The following TRIQK variants were observed in gnomAD, a reference collection of about 807,000 sequenced individuals.
The protein encoded by TRIQK is triple QxxK/R motif-containing protein.
In TRIQK, 10 loss-of-function variants were observed where a neutral mutation model predicts 10.8. The observed-to-expected ratio is 0.92, with a 90% CI of 0.57 to 1.57. The LOEUF (loss-of-function observed/expected upper bound fraction) is 1.57, where lower values mean the gene tolerates loss of function less well. Among genes scored for constraint, TRIQK ranks in the 40% most tolerant of loss-of-function variants. The pLI is 0.00. For synonymous variants in TRIQK, 33 were observed against 33.7 expected (o/e 0.98, Z 0.07); for missense variants, 107 against 97.7 (o/e 1.09, Z -0.40).
intron 1 of TRIQK, among the ~76,000 whole-genome samples, chr8:93,010,716 A>T (rs756246201): frequency 5.9e-5 from 9 of 152,172 alleles, no homozygotes; most frequent in Non-Finnish European, 1.2e-4. Context: ...ATATAGATTA[A>T]TACTATAAAA....
chr8:92,997,044 C>G (rs911012716), intron 1 of TRIQK, among the ~76,000 whole-genome samples: 12 of 152,050 alleles, frequency 7.9e-5, no homozygotes, highest in Admixed American at 3.9e-4. Context: ...GACCAATACT[C>G]AATCATACAT....
rs545320457 is a variant in TRIQK at position 92,951,962 on chromosome 8, T to A, written c.-22+2444A>T. Among the ~76,000 whole-genome samples, 66 of 151,936 alleles carry A rather than the reference T, an allele frequency of 4.3e-4. 2 individuals carry two copies. In the South Asian group the frequency reaches 0.013, roughly 31 times the overall value. ...AAGACCTAATAATAGGACTACAGAG[T>A]GTACCACATAGCTCCATACTTTACC... On this transcript the variant is annotated intron_variant, in intron 2 of 4. Coordinates refer to ENST00000521988, the MANE Select transcript of TRIQK (RefSeq NM_001171797.2).
chr8:92,936,158 T>G (rs1810977954), intron 2 of TRIQK, among the ~76,000 whole-genome samples: 2 of 151,576 alleles, frequency 1.3e-5, no homozygotes, highest in Admixed American at 1.3e-4. Context: ...CAAGGCAAGA[T>G]CATTATGAGA....
chr8:92,943,423 T>C lies in TRIQK; in HGVS notation c.-22+10983A>G, dbSNP rs112577866. On this transcript the variant is annotated intron_variant, in intron 2 of 4. Transcript: ENST00000521988. Reference sequence around the variant, plus strand: ...GGCATCACATTACCTGACTTTCAAATATACTATGAAGCTACAATAACCAAA... The same window carrying C: ...GGCATCACATTACCTGACTTTCAAACATACTATGAAGCTACAATAACCAAA... Among the ~76,000 whole-genome samples the C allele has an allele frequency of 4.3e-3, 652 of 152,244 alleles. 4 individuals carry two copies. Among genetic ancestry groups the C allele is most frequent in the Non-Finnish European group, 6.9e-3 (468 of 68,022 alleles).
At chr8:92,899,261 AG>A (rs1808793678) in intron 3 of TRIQK, among the ~76,000 whole-genome samples, 1 of 152,030 alleles carries the variant, frequency 6.6e-6, no homozygotes, top group East Asian at 1.9e-4. Flanking sequence ...CTGGGATTAC[AG>A]GCATGAGCCA....
At position 92,885,982 on chromosome 8, in the gene TRIQK, A is replaced by C. The variant is rs1015117016; in HGVS notation, c.*640T>G. 2 of 151,708 alleles carry C rather than the reference A, an allele frequency of 1.3e-5. No homozygotes were observed. Among genetic ancestry groups the C allele is most frequent in the African/African-American group, 4.8e-5 (2 of 41,392 alleles). 9.4% of individuals were successfully genotyped at this position (151,708 alleles called of 1,614,324 possible). ...TGAGCTTCTATTTACACCAGTTCAGACAGCCCAAGAGGAAAAGAACTCTAT... is the reference window on the plus strand; with the variant it reads ...TGAGCTTCTATTTACACCAGTTCAGCCAGCCCAAGAGGAAAAGAACTCTAT... On this transcript the variant is annotated 3_prime_UTR_variant, in exon 5 of 5. Transcript: ENST00000521988.
chr8:92,961,331 T>A (rs960604192), intron 1 of TRIQK, among the ~76,000 whole-genome samples: 1 of 151,990 alleles, frequency 6.6e-6, no homozygotes, highest in Non-Finnish European at 1.5e-5. Context: ...CAAAGCAGAA[T>A]CGGAAACTGG....
intron 3 of TRIQK, among the ~76,000 whole-genome samples, chr8:92,905,063 G>A (rs895879933): frequency 1.3e-5 from 2 of 152,060 alleles, no homozygotes; most frequent in African/African-American, 4.8e-5. Flanking sequence ...CTTCTACTAG[G>A]TATATGTTGC....
chr8:92,938,363 C>T (rs1811099721), intron 2 of TRIQK, among the ~76,000 whole-genome samples: 2 of 152,126 alleles, frequency 1.3e-5, no homozygotes, highest in South Asian at 4.1e-4. Flanking sequence ...ACACATCCAT[C>T]ACCAACCATT....
intron 1 of TRIQK, chr8:92,965,199 G>A (rs1167056663): frequency 1.3e-5 from 2 of 152,036 alleles, no homozygotes; most frequent in Non-Finnish European, 2.9e-5. Flanking sequence ...TTATACATTG[G>A]GGCTCCTCTA....
chr8:92,885,600 T>A lies in TRIQK; in HGVS notation c.*1022A>T, dbSNP rs529036186. 1 of 151,790 alleles carries A rather than the reference T, an allele frequency of 6.6e-6. No individual in the cohort carries two copies. Among genetic ancestry groups the A allele is most frequent in the Non-Finnish European group, 1.5e-5 (1 of 67,860 alleles). 9.4% of individuals were successfully genotyped at this position (151,790 alleles called of 1,614,324 possible). ...TATGCTCCCACAAATACAAAATACATTGAAAAATTATATCAACAGATAATT... is the reference window on the plus strand; with the variant it reads ...TATGCTCCCACAAATACAAAATACAATGAAAAATTATATCAACAGATAATT... On this transcript the variant is annotated 3_prime_UTR_variant, in exon 5 of 5. Transcript: ENST00000521988.
intron 3 of TRIQK, among the ~76,000 whole-genome samples, chr8:92,910,947 TA>T (rs1215466418): frequency 6.6e-6 from 1 of 151,332 alleles, no homozygotes; most frequent in African/African-American, 2.4e-5. Context: ...AGTTGAAAAC[TA>T]TAATTAATAT....
At chr8:93,014,290 T>C (rs780329662) in intron 1 of TRIQK, among the ~76,000 whole-genome samples, 1 of 152,084 alleles carries the variant, frequency 6.6e-6, no homozygotes, top group Non-Finnish European at 1.5e-5. Flanking sequence ...TAATATTCCT[T>C]TCAATAAATA....
intron 2 of TRIQK, among the ~76,000 whole-genome samples, chr8:92,943,585 CT>C (rs1185160249): frequency 6.6e-6 from 1 of 152,168 alleles, no homozygotes; most frequent in African/African-American, 2.4e-5. Flanking sequence ...AGAACAGTCT[CT>C]TCAATAAATG....
rs796311201 is a variant in TRIQK at position 92,911,707 on chromosome 8, ATTAAC to A, written c.61+5217_61+5221del. On this transcript the variant is annotated intron_variant, in intron 3 of 4. Coordinates refer to ENST00000521988, the MANE Select transcript of TRIQK (RefSeq NM_001171797.2). ...AAGGTCATTACATAATGATAAATGA[ATTAAC>A]TTAACAGGAAGATATAATGATTATA... 4.2e-4 allele frequency among the ~76,000 whole-genome samples: 63 copies of A among 151,310 alleles called. 2 individuals carry two copies. The East Asian group carries it at 0.011, about 26-fold the overall frequency.
chr8:92,949,580 AAG>A (rs1161178735), intron 2 of TRIQK, among the ~76,000 whole-genome samples: 2 of 149,412 alleles, frequency 1.3e-5, no homozygotes, highest in African/African-American at 2.5e-5. Context: ...GAAAGAAAGA[AAG>A]AGATGGAAAG....
At chr8:92,956,032 C>T (rs930053358) in intron 1 of TRIQK, among the ~76,000 whole-genome samples, 10 of 151,862 alleles carry the variant, frequency 6.6e-5, no homozygotes, top group South Asian at 2.1e-4. Context: ...GGAGTTACCA[C>T]GTGACCAGCA....
intron 1 of TRIQK, among the ~76,000 whole-genome samples, chr8:92,958,826 A>G (rs1466488769): frequency 6.6e-6 from 1 of 152,028 alleles, no homozygotes; most frequent in Non-Finnish European, 1.5e-5. Flanking sequence ...AAATCAAATT[A>G]TAACAATGTG....
chr8:92,904,524 C>T (rs1408214056), intron 3 of TRIQK, among the ~76,000 whole-genome samples: 1 of 152,044 alleles, frequency 6.6e-6, no homozygotes, highest in African/African-American at 2.4e-5. Context: ...AATTTTCTTA[C>T]TGTAGCAGAA....
Sources: allele counts gnomAD v4.1 joint callset (sites outside exome capture counted in the v4.1 genomes callset), GRCh38; gene constraint gnomAD v4.1.1; transcripts MANE v1.5; gene names NCBI Gene and HGNC (gene_info 2026-07-23, HGNC 2026-07-21).